Variants in BCAS3 observed in about 807,000 individuals in gnomAD.
The protein encoded by BCAS3 is BCAS4/BCAS3 fusion.
In BCAS3, 53 loss-of-function variants were observed where a neutral mutation model predicts 116.1. The observed-to-expected ratio is 0.46, with a 90% CI of 0.37 to 0.57. BCAS3 has a LOEUF of 0.57. Ranked by LOEUF, BCAS3 falls within the 20% of genes least tolerant of loss-of-function variation. BCAS3 has a pLI of 0.00. For missense variants in BCAS3, 917 were observed against 1,165.4 expected, an observed-to-expected ratio of 0.79 and a Z score of 3.10; for synonymous variants, 391 against 408.2, an observed-to-expected ratio of 0.96 and a Z score of 0.51.
chr17:60,953,238 T>A (rs538280957), intron 14 of BCAS3, among the ~76,000 whole-genome samples: 1 of 152,312 alleles, frequency 6.6e-6, no homozygotes, highest in African/African-American at 2.4e-5. Flanking sequence ...TAACAGTGTA[T>A]AAGCGTTCCC....
chr17:61,083,756 C>A lies in BCAS3; in HGVS notation c.2328-711C>A, dbSNP rs2072849931. Among the ~76,000 whole-genome samples the A allele has an allele frequency of 6.6e-6, 1 of 151,944 alleles. No individual in the cohort carries two copies. The highest frequency in any genetic ancestry group is 1.5e-5 in the Non-Finnish European group (1 of 68,004). The stretch of plus-strand genomic sequence containing the variant: ...GACTATAGGTGCATGCCACCACACC[C>A]GGCTAATTTTTGCATTTTTAGTAGA... On this transcript the variant is annotated intron_variant, in intron 21 of 23. Transcript: ENST00000407086. The surrounding 1 kb of genome is among the most constrained non-coding windows in gnomAD (Gnocchi z 4.9).
chr17:61,292,147 G>T (rs914601218), intron 22 of BCAS3, among the ~76,000 whole-genome samples: 1 of 152,074 alleles, frequency 6.6e-6, no homozygotes, highest in Non-Finnish European at 1.5e-5. Context: ...GATCATTTAG[G>T]AGAAATGCAG....
chr17:60,922,378 G>A (rs2059149782), intron 12 of BCAS3, among the ~76,000 whole-genome samples: 1 of 152,138 alleles, frequency 6.6e-6, no homozygotes, highest in Non-Finnish European at 1.5e-5. Context: ...CCCTGCCTCG[G>A]CCTCCCAAAG....
intron 14 of BCAS3, among the ~76,000 whole-genome samples, chr17:60,988,769 A>C (rs565647642): frequency 6.6e-6 from 1 of 151,354 alleles, no homozygotes; most frequent in East Asian, 1.9e-4. Flanking sequence ...ATTTTATTTG[A>C]GTCTTCTCTC....
chr17:60,738,464 C>T (rs1263725138), intron 5 of BCAS3, among the ~76,000 whole-genome samples: 1 of 152,066 alleles, frequency 6.6e-6, no homozygotes, highest in Non-Finnish European at 1.5e-5. Flanking sequence ...CCCCTTTTTC[C>T]CTGACAAGTT....
In BCAS3 at chr17:60,970,136, G is replaced by C. The variant is rs1326898943; in HGVS notation, c.1222-19835G>C. ...ATGGGAATGATTGAATTATTTTGTT[G>C]GTATTGTATTATATGTACATGTAAT... On this transcript the variant is annotated intron_variant, in intron 14 of 23. Transcript: ENST00000407086. Among the ~76,000 whole-genome samples, 4 of 152,168 alleles carry C rather than the reference G, an allele frequency of 2.6e-5. No homozygotes were observed. The South Asian group carries it at 8.3e-4, about 32-fold the overall frequency.
chr17:60,943,343 G>A (rs371262400), intron 13 of BCAS3, among the ~76,000 whole-genome samples: 1 of 152,056 alleles, frequency 6.6e-6, no homozygotes, highest in East Asian at 1.9e-4. Context: ...GCACCCAACT[G>A]TTATCTAAAA....
chr17:60,870,112 C>T (rs905901225), intron 8 of BCAS3, among the ~76,000 whole-genome samples: 2 of 152,134 alleles, frequency 1.3e-5, no homozygotes, highest in Non-Finnish European at 2.9e-5. Context: ...TAAATGTAGT[C>T]ATCTATATCT....
chr17:60,938,203 A>G (rs1312988589), intron 13 of BCAS3, among the ~76,000 whole-genome samples: 3 of 152,206 alleles, frequency 2.0e-5, no homozygotes, highest in Non-Finnish European at 1.5e-5. Flanking sequence ...CAAAATTTGT[A>G]TGGAATTTCA....
At chr17:60,732,646 C>T (rs1166358287) in intron 5 of BCAS3, among the ~76,000 whole-genome samples, 3 of 152,102 alleles carry the variant, frequency 2.0e-5, no homozygotes, top group African/African-American at 7.2e-5. Flanking sequence ...CAAGACCATC[C>T]TGGCCAACAT....
intron 10 of BCAS3, among the ~76,000 whole-genome samples, chr17:60,902,080 C>T (rs190576111): frequency 6.6e-6 from 1 of 152,308 alleles, no homozygotes; most frequent in African/African-American, 2.4e-5. Context: ...AAAGTTTAAG[C>T]TCTCTGAAGT....
chr17:61,146,248 A>G (rs2077201756), intron 22 of BCAS3, among the ~76,000 whole-genome samples: 1 of 150,860 alleles, frequency 6.6e-6, no homozygotes, highest in South Asian at 2.1e-4. Context: ...CTGGGATTAC[A>G]GGTGTAAGCC....
At chr17:61,372,414 T>C (rs1217519483) in intron 23 of BCAS3, among the ~76,000 whole-genome samples, 1 of 152,214 alleles carries the variant, frequency 6.6e-6, no homozygotes, top group Non-Finnish European at 1.5e-5. Context: ...CTTCCGTGTC[T>C]CCAATTACTA....
At position 61,196,265 on chromosome 17, in the gene BCAS3, A is replaced by T. The variant is rs770047315; in HGVS notation, c.2425+111701A>T. On this transcript the variant is annotated intron_variant, in intron 22 of 23. Transcript: ENST00000407086. This position sits in a 1 kb window ranked among gnomAD's most constrained non-coding sequence, Gnocchi z 4.7. Reference sequence around the variant, plus strand: ...GATACTTCCAGCTCTGGATTCTGTGACATTTGCCCAAAGGGAAACACCGGT... The same window carrying T: ...GATACTTCCAGCTCTGGATTCTGTGTCATTTGCCCAAAGGGAAACACCGGT... Among the ~76,000 whole-genome samples the T allele has an allele frequency of 5.9e-5, 9 of 152,210 alleles. No homozygotes were observed. Among genetic ancestry groups the T allele is most frequent in the Non-Finnish European group, 8.8e-5 (6 of 68,038 alleles).
intron 14 of BCAS3, among the ~76,000 whole-genome samples, chr17:60,951,098 G>C (rs192372675): frequency 3.1e-4 from 46 of 149,212 alleles, no homozygotes; most frequent in Non-Finnish European, 6.1e-4. Flanking sequence ...GTATGGCAAA[G>C]CTATTGATAA....
rs1366945515 is a variant in BCAS3 at position 61,139,423 on chromosome 17, C to T, written c.2425+54859C>T. 1.3e-5 allele frequency among the ~76,000 whole-genome samples: 2 copies of T among 152,170 alleles called. No homozygotes were observed. Among genetic ancestry groups the T allele is most frequent in the African/African-American group, 4.8e-5 (2 of 41,428 alleles). Reference sequence around the variant, plus strand: ...CTCTTACACATGTGTCTTCCTTCTTCAGTTTCTCAGTCTGTCGAGAGAGCA... The same window carrying T: ...CTCTTACACATGTGTCTTCCTTCTTTAGTTTCTCAGTCTGTCGAGAGAGCA... On this transcript the variant is annotated intron_variant, in intron 22 of 23. Coordinates refer to ENST00000407086, the MANE Select transcript of BCAS3 (RefSeq NM_017679.5). This position sits in a 1 kb window ranked among gnomAD's most constrained non-coding sequence, Gnocchi z 4.7.
At chr17:61,109,939 G>A (rs1316076124) in intron 22 of BCAS3, among the ~76,000 whole-genome samples, 2 of 152,272 alleles carry the variant, frequency 1.3e-5, no homozygotes, top group Admixed American at 6.5e-5. Flanking sequence ...AAGCTTTTTA[G>A]TTTAATTAAT....
intron 22 of BCAS3, among the ~76,000 whole-genome samples, chr17:61,231,669 G>T (rs541814149): frequency 6.6e-6 from 1 of 152,022 alleles, no homozygotes; most frequent in African/African-American, 2.4e-5. Context: ...TTGAGCCCAG[G>T]AATTTGAGAT....
intron 22 of BCAS3, among the ~76,000 whole-genome samples, chr17:61,167,924 A>G (rs796760731): frequency 2.6e-5 from 4 of 152,116 alleles, no homozygotes; most frequent in African/African-American, 7.2e-5. Flanking sequence ...CGTCTTAGCC[A>G]CCTGTACACA....
Sources: gnomAD v4.1 joint callset for allele counts (sites outside exome capture counted in the v4.1 genomes callset) on GRCh38, gnomAD v4.1.1 for gene constraint, Gnocchi (gnomAD v3.1) non-coding constraint, MANE v1.5 for transcripts, NCBI Gene and HGNC (gene_info 2026-07-23, HGNC 2026-07-21) for gene names.